Variants in GPC5 observed in about 807,000 individuals in gnomAD.
The protein encoded by GPC5 is glypican-5.
In GPC5, 47 loss-of-function variants were observed where a neutral mutation model predicts 53.9. The ratio of observed to expected loss-of-function variants is 0.87; its 90% CI spans 0.69 to 1.11. GPC5 has a LOEUF of 1.11. GPC5 is among the 50% of genes most tolerant of loss of function. The pLI is 0.00. For missense variants in GPC5, 748 were observed against 713.1 expected (o/e 1.05, Z -0.56); for synonymous variants, 286 against 263.3 (o/e 1.09, Z -0.84).
chr13:92,741,694 G>A (rs1029157052), intron 7 of GPC5, among the ~76,000 whole-genome samples: 77 of 151,808 alleles, frequency 5.1e-4, no homozygotes, highest in Non-Finnish European at 8.4e-4. Context: ...CCATTAACTC[G>A]TCATTTACAT....
chr13:92,756,897 C>G (rs973540660), intron 7 of GPC5, among the ~76,000 whole-genome samples: 8 of 151,156 alleles, frequency 5.3e-5, no homozygotes, highest in Non-Finnish European at 7.4e-5. Flanking sequence ...GTGAAAATGG[C>G]CATACTGCCC....
intron 7 of GPC5, among the ~76,000 whole-genome samples, chr13:92,754,075 G>C (rs892309357): frequency 3.3e-5 from 5 of 152,220 alleles, no homozygotes. Context: ...AAGGCAGCCA[G>C]AGAGAAAGGT....
At chr13:91,921,541 C>G (rs569090345) in intron 6 of GPC5, among the ~76,000 whole-genome samples, 1 of 151,996 alleles carries the variant, frequency 6.6e-6, no homozygotes, top group East Asian at 1.9e-4. Flanking sequence ...GATACTATGA[C>G]AATTATAAAT....
At chr13:91,594,985 CATTTATTTATTTATTTATTTATTTATTT>C (rs60740693) in intron 2 of GPC5, among the ~76,000 whole-genome samples, 90 of 137,576 alleles carry the variant, frequency 6.5e-4, no homozygotes, top group African/African-American at 2.2e-3. Context: ...TTTTTATTTA[CATTTATTTATTTATTTATTTATTTATTT>C]ATTTATTTAT....
At chr13:92,679,575 C>A (rs1221439209) in intron 7 of GPC5, among the ~76,000 whole-genome samples, 2 of 152,160 alleles carry the variant, frequency 1.3e-5, no homozygotes. Flanking sequence ...TATGAAAATA[C>A]ACACTTTCAG....
chr13:92,732,799 T>C (rs1484845943), intron 7 of GPC5, among the ~76,000 whole-genome samples: 5 of 151,686 alleles, frequency 3.3e-5, no homozygotes, highest in Non-Finnish European at 7.4e-5. Flanking sequence ...ATGTCTCTAC[T>C]GTTTTGGTCT....
chr13:91,463,576 C>G (rs1458053602), intron 2 of GPC5, among the ~76,000 whole-genome samples: 2 of 152,070 alleles, frequency 1.3e-5, no homozygotes, highest in Non-Finnish European at 2.9e-5. Flanking sequence ...AGTAATTAAA[C>G]ATGTGGTATT....
chr13:91,777,725 A>ATT (rs35187283), intron 5 of GPC5, among the ~76,000 whole-genome samples: 3 of 151,242 alleles, frequency 2.0e-5, no homozygotes, highest in South Asian at 2.1e-4. Flanking sequence ...TGAAAACTCA[A>ATT]TTTTTTTTTC....
chr13:91,924,050 A>G (rs757347056), intron 6 of GPC5, among the ~76,000 whole-genome samples: 53 of 152,186 alleles, frequency 3.5e-4, no homozygotes, highest in Non-Finnish European at 5.3e-4. Context: ...CAATATTTCT[A>G]GAAAATAAAT....
At chr13:92,840,260 G>A (rs949283360) in intron 7 of GPC5, among the ~76,000 whole-genome samples, 1 of 151,606 alleles carries the variant, frequency 6.6e-6, no homozygotes, top group Admixed American at 6.6e-5. Context: ...GTATGTATAT[G>A]TCACATTTGC....
intron 7 of GPC5, among the ~76,000 whole-genome samples, chr13:92,455,924 T>C (rs1878247702): frequency 6.6e-6 from 1 of 152,208 alleles, no homozygotes; most frequent in Non-Finnish European, 1.5e-5. Context: ...AAACTTCTTT[T>C]GGGTTCTTTT....
At chr13:92,085,310 G>T (rs2041327240) in intron 6 of GPC5, among the ~76,000 whole-genome samples, 1 of 152,158 alleles carries the variant, frequency 6.6e-6, no homozygotes, top group African/African-American at 2.4e-5. Flanking sequence ...ACATTATAAG[G>T]GAAATGTATA....
chr13:92,064,207 C>T (rs2041146569), intron 6 of GPC5, among the ~76,000 whole-genome samples: 1 of 152,108 alleles, frequency 6.6e-6, no homozygotes, highest in African/African-American at 2.4e-5. Flanking sequence ...TGCCATTTTG[C>T]CACTTGTAAT....
chr13:91,919,704 A>T (rs761182558), intron 6 of GPC5, among the ~76,000 whole-genome samples: 9 of 151,724 alleles, frequency 5.9e-5, no homozygotes, highest in Non-Finnish European at 1.3e-4. Context: ...ACTCTCCTCC[A>T]CTTTCTCCCT....
chr13:92,177,429 G>A (rs974230637), intron 7 of GPC5, among the ~76,000 whole-genome samples: 1 of 152,084 alleles, frequency 6.6e-6, no homozygotes, highest in Non-Finnish European at 1.5e-5. Context: ...ATGGAAAGTT[G>A]ATCTTTCCAA....
intron 6 of GPC5, among the ~76,000 whole-genome samples, chr13:91,963,257 G>A (rs1446428367): frequency 2.0e-5 from 3 of 152,154 alleles, no homozygotes; most frequent in South Asian, 2.1e-4. Flanking sequence ...TGGGAGCACA[G>A]GGTTTGCAGA....
intron 7 of GPC5, among the ~76,000 whole-genome samples, chr13:92,693,426 G>C (rs1887471765): frequency 6.6e-6 from 1 of 152,140 alleles, no homozygotes; most frequent in Non-Finnish European, 1.5e-5. Flanking sequence ...AATATGAAAA[G>C]TGAAGTTCAG....
chr13:91,964,659 T>C (rs1018006145), intron 6 of GPC5, among the ~76,000 whole-genome samples: 4 of 152,018 alleles, frequency 2.6e-5, no homozygotes, highest in African/African-American at 9.7e-5. Flanking sequence ...ACAGAAAAGT[T>C]CTCCAAATCC....
chr13:91,842,604 A>T (rs2038800461), intron 5 of GPC5, among the ~76,000 whole-genome samples: 1 of 143,216 alleles, frequency 7.0e-6, no homozygotes, highest in Non-Finnish European at 1.5e-5. Flanking sequence ...TGGGAGGCTG[A>T]GGCAGGAGAA....
Sources: allele counts gnomAD v4.1 joint callset (sites outside exome capture counted in the v4.1 genomes callset), GRCh38; gene constraint gnomAD v4.1.1; transcripts MANE v1.5; gene names NCBI Gene and HGNC (gene_info 2026-07-23, HGNC 2026-07-21).